The following CTSC variants were observed in gnomAD, a reference collection of about 807,000 sequenced individuals.
CTSC encodes the protein cathepsin C.
In CTSC, 37 loss-of-function variants were observed where a neutral mutation model predicts 40.9. The ratio of observed to expected loss-of-function variants is 0.91; its 90% CI spans 0.70 to 1.19. CTSC has a LOEUF of 1.19. Ranked by LOEUF, CTSC falls within the 50% of genes most tolerant of loss-of-function variation. The pLI is 0.00. For missense variants in CTSC, 594 were observed against 567.3 expected, an observed-to-expected ratio of 1.05 and a Z score of -0.48; for synonymous variants, 232 against 207.4, an observed-to-expected ratio of 1.12 and a Z score of -1.02.
Position 88,296,213 on chromosome 11 carries a change from C to A in CTSC, c.809G>T (p.Arg270Ile). The A allele has an allele frequency of 6.2e-7, 1 of 1,614,018 alleles. No individual in the cohort carries two copies. Among genetic ancestry groups the A allele is most frequent in the South Asian group, 1.1e-5 (1 of 91,072 alleles). ...SFASMGMLEARIRILTNNSQT... is the reference protein window; with the variant it reads ...SFASMGMLEAIIRILTNNSQT... ...AGAATTGTTGGTTAGTATACGGATT[C>A]TCGCTTCTAGCATACCCATAGAAGC... Residue 270 changes from arginine to isoleucine, a missense_variant, in exon 6 of 7, where the codon AGA becomes ATA. Arg to Ile is a moderately conservative substitution (Grantham distance 97, BLOSUM62 -3). Transcript: ENST00000227266.
intron 2 of CTSC, among the ~76,000 whole-genome samples, chr11:88,315,988 T>C (rs1937869290): frequency 6.6e-6 from 1 of 152,076 alleles, no homozygotes. Context: ...ACAAAGGTCA[T>C]TGCTTTATCC....
In CTSC at chr11:88,294,350, C is replaced by G. The variant is rs1565249716; in HGVS notation, c.1048G>C (p.Gly350Arg). 12 of 1,614,138 alleles carry G rather than the reference C, an allele frequency of 7.4e-6. No homozygotes were observed. The highest frequency in any genetic ancestry group is 1.1e-5 in the South Asian group (1 of 91,084). ...YYSSEYHYVGGFYGGCNEALM... is the reference protein window; with the variant it reads ...YYSSEYHYVGRFYGGCNEALM... ...GCTTCATTGCAGCCTCCATAGAAAC[C>G]TCCTACATAGTGGTACTCAGAGGAG... is the stretch of plus-strand genomic sequence containing the variant. Residue 350 changes from glycine (G) to arginine (R), a missense_variant, in exon 7 of 7, where the codon GGT becomes CGT. Coordinates refer to ENST00000227266, the MANE Select transcript of CTSC (RefSeq NM_001814.6).
At chr11:88,335,217 A>G in intron 1 of CTSC, 135 bp from the exon 2 acceptor site, 1 of 678,094 alleles carries the variant, frequency 1.5e-6, no homozygotes, top group Non-Finnish European at 2.6e-6. Flanking sequence ...TGCCTAGTGA[A>G]GAAACCAGAG....
chr11:88,294,141 C>A lies in CTSC; in HGVS notation c.1257G>T (p.Gly419=), dbSNP rs773993931. The change falls in exon 7 of 7, where the codon GGG becomes GGT. Residue 419 remains glycine, a synonymous_variant. Coordinates refer to ENST00000227266, the MANE Select transcript of CTSC (RefSeq NM_001814.6). ...TGTTTTTAACAATCCAGTAATCCAT[C>A]CCAGAGGCTGAGTCAGTGCCATAGC... is the stretch of plus-strand genomic sequence containing the variant. ...LVGYGTDSAS[G]MDYWIVKNSW... The A allele has an allele frequency of 3.1e-6, 5 of 1,613,970 alleles. No individual in the cohort carries two copies. Among genetic ancestry groups the A allele is most frequent in the Non-Finnish European group, 3.4e-6 (4 of 1,179,998 alleles).
At position 88,311,418 on chromosome 11, in the gene CTSC, C is replaced by A. The variant is rs57769165; in HGVS notation, c.485+970G>T. On this transcript the variant is annotated intron_variant, in intron 3 of 6. Coordinates refer to ENST00000227266, the MANE Select transcript of CTSC (RefSeq NM_001814.6). ...CTGCAGTCATTCATTACTAATGTTG[C>A]CTGGCTTGGGATGATTTGTACATGT... Among the ~76,000 whole-genome samples, 1,170 of 152,242 alleles carry A rather than the reference C, an allele frequency of 7.7e-3. 13 individuals carry two copies. Among genetic ancestry groups the A allele is most frequent in the African/African-American group, 0.026 (1,092 of 41,526 alleles).
At chr11:88,317,260 GC>G (rs1312087095) in intron 2 of CTSC, among the ~76,000 whole-genome samples, 2 of 152,112 alleles carry the variant, frequency 1.3e-5, no homozygotes, top group Non-Finnish European at 2.9e-5. Context: ...ATCCACCACG[GC>G]CAGCCTTCTT....
In CTSC at chr11:88,337,662, C is replaced by G. The variant is rs1209147007; in HGVS notation, c.11G>C (p.Gly4Ala). Residue 4 changes from glycine to alanine, a missense_variant, in exon 1 of 7, where the codon GGG (glycine) becomes GCG (alanine). Transcript: ENST00000227266. ...GAGGGCGGCGAGCAGCAAGGAGGGC[C>G]CAGCACCCATGCTGCAGGGAGCTGA... The part of the protein sequence containing the change: MGA[G>A]PSLLLAALLL... The G allele has an allele frequency of 6.3e-7, 1 of 1,577,872 alleles. No homozygotes were observed. Among genetic ancestry groups the G allele is most frequent in the Non-Finnish European group, 8.6e-7 (1 of 1,161,456 alleles).
intron 3 of CTSC, among the ~76,000 whole-genome samples, chr11:88,312,156 T>C (rs1371840188): frequency 6.6e-6 from 1 of 152,224 alleles, no homozygotes; most frequent in African/African-American, 2.4e-5. Context: ...TGTGGTCCAT[T>C]ACATGATTTC....
chr11:88,336,146 T>G (rs927298933), intron 1 of CTSC, among the ~76,000 whole-genome samples: 5 of 151,710 alleles, frequency 3.3e-5, no homozygotes, highest in African/African-American at 9.7e-5. Flanking sequence ...AGTTTTTCCA[T>G]GTTTGAGAGT....
chr11:88,296,488 A>C (rs1944300808), intron 5 of CTSC: 1 of 474,952 alleles, frequency 2.1e-6, no homozygotes, highest in Non-Finnish European at 3.8e-6. Context: ...AGTACATGGG[A>C]CTTTCTTTGA....
chr11:88,322,568 A>G (rs1253231369), intron 2 of CTSC: 3 of 152,192 alleles, frequency 2.0e-5, no homozygotes, highest in Non-Finnish European at 4.4e-5. Flanking sequence ...CAGACACAAT[A>G]AAAAATGATA....
At chr11:88,334,433 TTC>T (rs1430283351) in intron 2 of CTSC, among the ~76,000 whole-genome samples, 2 of 152,198 alleles carry the variant, frequency 1.3e-5, no homozygotes, top group African/African-American at 2.4e-5. Flanking sequence ...AACTCCTAGG[TTC>T]TCTCTTTCTG....
At chr11:88,320,207 C>A (rs982671650) in intron 2 of CTSC, among the ~76,000 whole-genome samples, 5 of 152,182 alleles carry the variant, frequency 3.3e-5, no homozygotes, top group African/African-American at 9.7e-5. Flanking sequence ...CAACTTCCAG[C>A]ATTTTACTGA....
chr11:88,300,136 T>TG (rs1374769616), intron 5 of CTSC, among the ~76,000 whole-genome samples: 1 of 152,072 alleles, frequency 6.6e-6, no homozygotes, highest in Non-Finnish European at 1.5e-5. Flanking sequence ...ACTAAATTAA[T>TG]GGGGGTGGGG....
In CTSC at chr11:88,327,126, G is replaced by A. The variant is rs753748775; in HGVS notation, c.318+7811C>T. ...TTATTCAACTACCAGAAAGAACTGA[G>A]AAGAAACAGCTTACTAATTTCAACC... On this transcript the variant is annotated intron_variant, in intron 2 of 6. Transcript: ENST00000227266. 9.9e-5 allele frequency among the ~76,000 whole-genome samples: 15 copies of A among 152,134 alleles called. 1 individual carries two copies. The highest frequency in any genetic ancestry group is 2.1e-4 in the Non-Finnish European group (14 of 68,014).
intron 1 of CTSC, among the ~76,000 whole-genome samples, chr11:88,336,457 T>C (rs2134831014): frequency 6.7e-6 from 1 of 149,126 alleles, no homozygotes; most frequent in South Asian, 2.1e-4. Context: ...GAGAATCGCT[T>C]AAACCCGGGA....
At position 88,326,322 on chromosome 11, in the gene CTSC, A is replaced by G. The variant is rs1938185563; in HGVS notation, c.318+8615T>C. 7 of 1,613,524 alleles carry G rather than the reference A, an allele frequency of 4.3e-6. No homozygotes were observed. The South Asian group carries it at 6.6e-5, about 15-fold the overall frequency. ...CTCCAGAAGGGACTGTAGCTGCTAG[A>G]GGCCTTTGCTAGCTGCTACAGGTAG... is the stretch of plus-strand genomic sequence containing the variant. On this transcript the variant is annotated intron_variant, in intron 2 of 6. Coordinates refer to ENST00000227266, the MANE Select transcript of CTSC (RefSeq NM_001814.6).
intron 5 of CTSC, 181 bp from the exon 6 acceptor site, chr11:88,296,445 G>C (rs1033467239): frequency 2.9e-6 from 2 of 687,022 alleles, no homozygotes; most frequent in African/African-American, 3.6e-5. Flanking sequence ...CAATCATTAA[G>C]ATTTCATCCT....
chr11:88,307,724 T>C (rs970724924), intron 4 of CTSC, among the ~76,000 whole-genome samples: 17 of 152,058 alleles, frequency 1.1e-4, no homozygotes, highest in Admixed American at 1.0e-3. Context: ...ATTCATTGTG[T>C]GTCATATCGT....
Sources: gnomAD v4.1 joint callset for allele counts (sites outside exome capture counted in the v4.1 genomes callset) on GRCh38, gnomAD v4.1.1 for gene constraint, MANE v1.5 for transcripts, NCBI Gene and HGNC (gene_info 2026-07-23, HGNC 2026-07-21) for gene names.